The following CAMTA1 variants were observed in gnomAD, a reference collection of about 807,000 sequenced individuals.
CAMTA1 encodes calmodulin binding transcription activator 1.
In CAMTA1, 27 loss-of-function variants were observed where a neutral mutation model predicts 170.9. The observed-to-expected ratio is 0.16, with a 90% CI of 0.12 to 0.22. CAMTA1 has a LOEUF of 0.22. Ranked by LOEUF, CAMTA1 falls within the 10% of genes least tolerant of loss-of-function variation. The probability of loss-of-function intolerance (pLI) is 1.00; values close to 1 mark genes in which losing one functional copy is unlikely to be tolerated. For missense variants in CAMTA1, 1,619 were observed against 2,217.2 expected (o/e 0.73, Z 5.42); for synonymous variants, 833 against 891.5 (o/e 0.93, Z 1.17).
In CAMTA1 at chr1:6,976,241, C is replaced by T. The variant is rs150265938; in HGVS notation, c.235-115063C>T. Reference sequence around the variant, plus strand: ...CACAAAGGTCAGGACGAGGAACAGCCGGAGAAGTGTGACTGCATGCATGTC... The same window carrying T: ...CACAAAGGTCAGGACGAGGAACAGCTGGAGAAGTGTGACTGCATGCATGTC... On this transcript the variant is annotated intron_variant, in intron 3 of 22. Coordinates refer to ENST00000303635, the MANE Select transcript of CAMTA1 (RefSeq NM_015215.4). Among the ~76,000 whole-genome samples, 380 of 152,270 alleles carry T rather than the reference C, an allele frequency of 2.5e-3. 2 individuals carry two copies. The highest frequency in any genetic ancestry group is 0.02 in the Middle Eastern group (6 of 294).
At chr1:6,986,977 T>C (rs1052633123) in intron 3 of CAMTA1, among the ~76,000 whole-genome samples, 2 of 152,000 alleles carry the variant, frequency 1.3e-5, no homozygotes. Context: ...TGAGACCCCC[T>C]AGGGCCAGGT....
intron 6 of CAMTA1, among the ~76,000 whole-genome samples, chr1:7,483,582 G>C (rs1015286009): frequency 1.6e-4 from 24 of 152,214 alleles, no homozygotes; most frequent in African/African-American, 5.5e-4. Context: ...CCAGGAACCA[G>C]AGCAGGGGCT....
chr1:7,258,640 C>T (rs1428049301), intron 5 of CAMTA1, among the ~76,000 whole-genome samples: 5 of 152,150 alleles, frequency 3.3e-5, no homozygotes, highest in Non-Finnish European at 7.4e-5. Context: ...ATACTTTTCC[C>T]CTTGGTAAGT....
At chr1:6,961,688 G>A (rs1690439851) in intron 3 of CAMTA1, among the ~76,000 whole-genome samples, 1 of 152,214 alleles carries the variant, frequency 6.6e-6, no homozygotes, top group African/African-American at 2.4e-5. Flanking sequence ...AACATTTTGA[G>A]GGGATTGATT....
intron 4 of CAMTA1, among the ~76,000 whole-genome samples, chr1:7,103,455 CTACACACATG>C (rs939645255): frequency 1.4e-4 from 21 of 148,718 alleles, no homozygotes; most frequent in Non-Finnish European, 2.4e-4. Flanking sequence ...GCACACACAA[CTACACACATG>C]TACACAACAC....
At chr1:6,894,320 T>C (rs1390424276) in intron 3 of CAMTA1, among the ~76,000 whole-genome samples, 1 of 152,172 alleles carries the variant, frequency 6.6e-6, no homozygotes, top group Non-Finnish European at 1.5e-5. Context: ...CCAGTAAAAA[T>C]AGCATGGAAT....
intron 3 of CAMTA1, among the ~76,000 whole-genome samples, chr1:6,846,744 G>A (rs1658326737): frequency 1.3e-5 from 2 of 152,158 alleles, no homozygotes; most frequent in African/African-American, 4.8e-5. Context: ...GGATACTGAA[G>A]GTTGACACTG....
intron 1 of CAMTA1, among the ~76,000 whole-genome samples, chr1:6,793,514 G>T (rs1018117032): frequency 5.9e-5 from 9 of 152,170 alleles, no homozygotes; most frequent in African/African-American, 2.2e-4. Flanking sequence ...AGTACAGTCA[G>T]TCATGACTCT....
chr1:6,980,851 C>G (rs1557920531), intron 3 of CAMTA1, among the ~76,000 whole-genome samples: 1 of 152,324 alleles, frequency 6.6e-6, no homozygotes. Flanking sequence ...ATTACTCAGT[C>G]TTGGGTATGT....
intron 3 of CAMTA1, among the ~76,000 whole-genome samples, chr1:6,942,077 C>CTTT (rs59205326): frequency 0.076 from 11,256 of 147,352 alleles, 515 homozygotes; most frequent in Non-Finnish European, 0.1. Flanking sequence ...TTTCTTTTTT[C>CTTT]TTTTTTTTTT....
rs951260549 is a variant in CAMTA1, at chr1:7,300,061, CTGTT to C, written c.438+50437_438+50440del. 2.0e-5 allele frequency among the ~76,000 whole-genome samples: 3 copies of C among 152,146 alleles called. No individual in the cohort carries two copies. Among genetic ancestry groups the C allele is most frequent in the Admixed American group, 6.5e-5 (1 of 15,276 alleles). On this transcript the variant is annotated intron_variant, in intron 5 of 22. Transcript: ENST00000303635. The surrounding 1 kb of genome is among the most constrained non-coding windows in gnomAD (Gnocchi z 4.1). ...ATAAAGTCAGAAAATTGCTTGCTGTCTGTTTATTTTAGAATCAAGCAGCTTCTGT... is the reference window on the plus strand; with the variant it reads ...ATAAAGTCAGAAAATTGCTTGCTGTCTATTTTAGAATCAAGCAGCTTCTGT...
intron 7 of CAMTA1, among the ~76,000 whole-genome samples, chr1:7,654,447 G>A (rs1422235146): frequency 6.6e-6 from 1 of 151,684 alleles, no homozygotes; most frequent in Admixed American, 6.6e-5. Context: ...GAAAGCCCCT[G>A]ATGTCAGAAC....
chr1:7,100,976 G>A (rs1642648289), intron 4 of CAMTA1, among the ~76,000 whole-genome samples: 1 of 152,244 alleles, frequency 6.6e-6, no homozygotes, highest in Non-Finnish European at 1.5e-5. Flanking sequence ...CACCCCAACA[G>A]GAGACTGCCC....
chr1:6,902,147 A>G (rs1677238486), intron 3 of CAMTA1, among the ~76,000 whole-genome samples: 1 of 152,246 alleles, frequency 6.6e-6, no homozygotes, highest in South Asian at 2.1e-4. Flanking sequence ...TGGAAACAAC[A>G]TTGACATTTT....
intron 3 of CAMTA1, among the ~76,000 whole-genome samples, chr1:7,087,037 G>A (rs943009745): frequency 5.9e-5 from 9 of 152,182 alleles, no homozygotes; most frequent in Non-Finnish European, 8.8e-5. Context: ...GCCTGGCTCC[G>A]CCATGAACAT....
intron 3 of CAMTA1, among the ~76,000 whole-genome samples, chr1:6,876,449 G>A (rs1169537652): frequency 1.3e-5 from 2 of 151,202 alleles, no homozygotes; most frequent in Non-Finnish European, 2.9e-5. Flanking sequence ...GCAAACCTCC[G>A]CCTTCTGGGT....
chr1:7,458,492 A>C (rs1333241496), intron 5 of CAMTA1, among the ~76,000 whole-genome samples: 2 of 152,178 alleles, frequency 1.3e-5, no homozygotes, highest in Non-Finnish European at 2.9e-5. Flanking sequence ...GGACAGGACC[A>C]GCCAGAATGC....
At chr1:7,121,592 A>G (rs1252156713) in intron 4 of CAMTA1, among the ~76,000 whole-genome samples, 1 of 152,224 alleles carries the variant, frequency 6.6e-6, no homozygotes, top group Non-Finnish European at 1.5e-5. Context: ...CAGATAATTC[A>G]GTAGGCACTG....
chr1:7,639,275 G>T (rs945366312), intron 6 of CAMTA1, among the ~76,000 whole-genome samples: 1 of 152,176 alleles, frequency 6.6e-6, no homozygotes, highest in African/African-American at 2.4e-5. Flanking sequence ...CACCACGCCC[G>T]GCCCAAACTG....
Sources: gnomAD v4.1 joint callset for allele counts (sites outside exome capture counted in the v4.1 genomes callset) on GRCh38, gnomAD v4.1.1 for gene constraint, Gnocchi (gnomAD v3.1) non-coding constraint, MANE v1.5 for transcripts, NCBI Gene and HGNC (gene_info 2026-07-23, HGNC 2026-07-21) for gene names.